ARHGEF7: variants seen among roughly 807,000 people sequenced by gnomAD.
The protein encoded by ARHGEF7 is Rho guanine nucleotide exchange factor 7, also known as PAK-interacting exchange factor beta.
Under a neutral mutation model 109.8 loss-of-function variants are expected in ARHGEF7, and 33 were observed. That is an observed-to-expected ratio of 0.30 (90% confidence interval 0.23 to 0.40). ARHGEF7 has a LOEUF of 0.40. Among genes scored for constraint, ARHGEF7 ranks in the 10% least tolerant of loss-of-function variants. The pLI is 1.00. For synonymous variants in ARHGEF7, 458 were observed against 424.6 expected (o/e 1.08, Z -0.97); for missense variants, 938 against 1,098.5 (o/e 0.85, Z 2.07).
chr13:111,288,267 C>A (rs547454705), intron 17 of ARHGEF7, 87 bp from the exon 18 acceptor site: 3 of 683,576 alleles, frequency 4.4e-6, no homozygotes, highest in South Asian at 3.0e-5. Context: ...TCACTTTGGT[C>A]GAGTTGATGT....
chr13:111,250,523 A>G (rs9560015), intron 8 of ARHGEF7, among the ~76,000 whole-genome samples: 28,663 of 152,186 alleles, frequency 0.19, 3,815 homozygotes, highest in East Asian at 0.76. Flanking sequence ...ATCACTGAGC[A>G]CTGAGGGGTA....
intron 2 of ARHGEF7, among the ~76,000 whole-genome samples, chr13:111,188,394 G>A (rs562290789): frequency 1.3e-5 from 2 of 152,348 alleles, no homozygotes; most frequent in South Asian, 4.1e-4. Context: ...TGAGTTGCCT[G>A]TAGAAATGGA....
Position 111,304,713 on chromosome 13 carries a change from T to TG in ARHGEF7, c.*1602dup, listed in dbSNP as rs1284179940. ...AGCCCCTTTGGCTTCCTTCCGTGAC[T>TG]GGTCACGTTGTCTGCCTGGGCTCAG... On this transcript the variant is annotated 3_prime_UTR_variant, in exon 22 of 22. Transcript: ENST00000646102. 5.9e-5 allele frequency: 9 copies of TG among 152,302 alleles called. No homozygotes were observed. Among genetic ancestry groups the TG allele is most frequent in the Admixed American group, 1.3e-4 (2 of 15,290 alleles). The allele number at this position is 152,302 out of a possible 1,614,324, so 9.4% of individuals were successfully genotyped here.
intron 17 of ARHGEF7, 86 bp from the exon 18 acceptor site, chr13:111,288,268 G>A (rs762525474): frequency 2.0e-5 from 14 of 696,592 alleles, no homozygotes; most frequent in Admixed American, 1.2e-4. Flanking sequence ...CACTTTGGTC[G>A]AGTTGATGTC....
chr13:111,285,962 C>T (rs41275848), intron 16 of ARHGEF7, among the ~76,000 whole-genome samples, 185 bp from the exon 17 acceptor site: 28 of 152,024 alleles, frequency 1.8e-4, no homozygotes, highest in Admixed American at 1.4e-3. Context: ...TGAAAATGCC[C>T]TATTGATTTT....
At chr13:111,236,873 G>A (rs1158548612) in intron 6 of ARHGEF7, among the ~76,000 whole-genome samples, 1 of 152,156 alleles carries the variant, frequency 6.6e-6, no homozygotes, top group Non-Finnish European at 1.5e-5. Context: ...GCTGAGGTGG[G>A]AGGATTGCTT....
At chr13:111,213,876 C>G (rs1436292916) in intron 4 of ARHGEF7, among the ~76,000 whole-genome samples, 1 of 152,160 alleles carries the variant, frequency 6.6e-6, no homozygotes, top group Non-Finnish European at 1.5e-5. Flanking sequence ...TGGAATATAG[C>G]CTTTTCTAGG....
At chr13:111,191,928 T>C (rs773847411) in intron 2 of ARHGEF7, among the ~76,000 whole-genome samples, 38 of 152,274 alleles carry the variant, frequency 2.5e-4, no homozygotes, top group Non-Finnish European at 4.7e-4. Flanking sequence ...ACAAAGAGTA[T>C]GGTTAGTATG....
intron 1 of ARHGEF7, among the ~76,000 whole-genome samples, chr13:111,120,752 T>C (rs1235295810): frequency 6.6e-6 from 1 of 152,206 alleles, no homozygotes; most frequent in Non-Finnish European, 1.5e-5. Flanking sequence ...GAGAATAAGA[T>C]GTCTGCCCAG....
At chr13:111,201,842 G>C (rs993084152) in intron 2 of ARHGEF7, among the ~76,000 whole-genome samples, 1 of 152,050 alleles carries the variant, frequency 6.6e-6, no homozygotes, top group Non-Finnish European at 1.5e-5. Context: ...TGTGTTGTGC[G>C]GTTCAGTGTT....
In ARHGEF7 at chr13:111,258,670, G is replaced by C. The variant is rs1014208889; in HGVS notation, c.951-8878G>C. Among the ~76,000 whole-genome samples, 2 of 152,096 alleles carry C rather than the reference G, an allele frequency of 1.3e-5. No individual in the cohort carries two copies. The highest frequency in any genetic ancestry group is 4.8e-5 in the African/African-American group (2 of 41,340). ...GACCCAGAGCACATTCCCAGCTGTG[G>C]TGGCTACAGGGAGGGACTCCTGCTT... On this transcript the variant is annotated intron_variant, in intron 8 of 21. Coordinates refer to ENST00000646102, the MANE Select transcript of ARHGEF7 (RefSeq NM_001354046.2). This position sits in a 1 kb window ranked among gnomAD's most constrained non-coding sequence, Gnocchi z 4.4.
At chr13:111,196,763 G>A (rs1184533288) in intron 2 of ARHGEF7, among the ~76,000 whole-genome samples, 1 of 86,160 alleles carries the variant, frequency 1.2e-5, no homozygotes, top group African/African-American at 4.5e-5. Context: ...GTCCTCCTGT[G>A]GGACATAAAT....
intron 7 of ARHGEF7, 86 bp downstream of exon 7, chr13:111,244,052 A>C: frequency 7.6e-7 from 1 of 1,311,964 alleles, no homozygotes; most frequent in Non-Finnish European, 1.1e-6. Flanking sequence ...AGAGGGTTAA[A>C]TAGTGAAACA....
At chr13:111,153,884 C>G in intron 1 of ARHGEF7, 21 bp from the exon 2 acceptor site, 1 of 1,589,114 alleles carries the variant, frequency 6.3e-7, no homozygotes, top group Non-Finnish European at 8.5e-7. Context: ...CGGCGCTCAG[C>G]GCTTGTGCTC....
chr13:111,244,492 A>G, intron 8 of ARHGEF7, among the ~76,000 whole-genome samples, 198 bp downstream of exon 8: 1 of 152,234 alleles, frequency 6.6e-6, no homozygotes, highest in Non-Finnish European at 1.5e-5. Flanking sequence ...CTTCAGAGAA[A>G]GACTCAAGAA....
chr13:111,197,079 G>A (rs1265518431), intron 2 of ARHGEF7, among the ~76,000 whole-genome samples: 1 of 152,178 alleles, frequency 6.6e-6, no homozygotes, highest in Non-Finnish European at 1.5e-5. Flanking sequence ...ACCACCTGCA[G>A]TTTTGGTTTG....
intron 2 of ARHGEF7, chr13:111,186,747 C>T (rs1332843969): frequency 1.1e-6 from 1 of 907,452 alleles, no homozygotes; most frequent in African/African-American, 1.8e-5. Context: ...TCTCAAGTTC[C>T]TGGAGGAGGC....
At chr13:111,227,036 G>A (rs550880016) in intron 5 of ARHGEF7, among the ~76,000 whole-genome samples, 5 of 152,306 alleles carry the variant, frequency 3.3e-5, no homozygotes, top group African/African-American at 9.6e-5. Flanking sequence ...AATTGGAAGT[G>A]GAGCCTGGAG....
intron 1 of ARHGEF7, among the ~76,000 whole-genome samples, chr13:111,151,254 A>G (rs538449900): frequency 6.6e-6 from 1 of 152,240 alleles, no homozygotes; most frequent in Non-Finnish European, 1.5e-5. Flanking sequence ...CTTTTCACGT[A>G]TAACACTTAG....
Sources: gnomAD v4.1 joint callset for allele counts (sites outside exome capture counted in the v4.1 genomes callset) on GRCh38, gnomAD v4.1.1 for gene constraint, Gnocchi (gnomAD v3.1) non-coding constraint, MANE v1.5 for transcripts, NCBI Gene and HGNC (gene_info 2026-07-23, HGNC 2026-07-21) for gene names.